HERC3: variants seen among roughly 807,000 people sequenced by gnomAD.
The protein encoded by HERC3 is HECT and RLD domain containing E3 ubiquitin protein ligase 3, also known as probable E3 ubiquitin-protein ligase HERC3.
Under a neutral mutation model 129.9 loss-of-function variants are expected in HERC3, and 58 were observed. The observed-to-expected ratio is 0.45, with a 90% CI of 0.36 to 0.56. The LOEUF (loss-of-function observed/expected upper bound fraction) is 0.56. HERC3 is among the 20% of genes least tolerant of loss of function. The pLI is 0.00. For synonymous variants in HERC3, 430 were observed against 451.0 expected (o/e 0.95, Z 0.59); for missense variants, 835 against 1,244.2 (o/e 0.67, Z 4.95).
At chr4:88,617,672 C>T (rs567787152) in intron 3 of HERC3, among the ~76,000 whole-genome samples, 123 of 152,050 alleles carry the variant, frequency 8.1e-4, no homozygotes, top group African/African-American at 2.7e-3. Context: ...GAGATCGAGA[C>T]CATCCTGGCT....
At chr4:88,596,775 C>T (rs1722441399) in intron 2 of HERC3, among the ~76,000 whole-genome samples, 1 of 152,214 alleles carries the variant, frequency 6.6e-6, no homozygotes, top group African/African-American at 2.4e-5. Flanking sequence ...CCTTTGTGCT[C>T]CTTCCAGATT....
At chr4:88,667,178 T>C (rs1224536988) in intron 12 of HERC3, among the ~76,000 whole-genome samples, 199 bp from the exon 13 acceptor site, 1 of 152,232 alleles carries the variant, frequency 6.6e-6, no homozygotes, top group Non-Finnish European at 1.5e-5. Flanking sequence ...TGTGGTTTAT[T>C]CTTTGTGAAA....
the HERC3 span, among the ~76,000 whole-genome samples, chr4:88,551,094 GA>G: frequency 2.0e-5 from 3 of 149,854 alleles, no homozygotes; most frequent in Non-Finnish European, 4.5e-5. Flanking sequence ...GTAGAAAGCT[GA>G]AACTGGATCC....
chr4:88,568,483 C>A, the HERC3 span, among the ~76,000 whole-genome samples: 2 of 152,160 alleles, frequency 1.3e-5, no homozygotes, highest in South Asian at 2.1e-4. Context: ...GAGCTGGCCC[C>A]TAAGCTGCAA....
At chr4:88,528,692 CA>C in the HERC3 span, among the ~76,000 whole-genome samples, 61 of 152,216 alleles carry the variant, frequency 4.0e-4, no homozygotes, top group Admixed American at 8.5e-4. Context: ...CTCCAAAGGG[CA>C]AGGTTTCATT....
intron 8 of HERC3, among the ~76,000 whole-genome samples, 186 bp downstream of exon 8, chr4:88,655,490 C>T (rs1162267284): frequency 3.9e-5 from 6 of 152,130 alleles, no homozygotes; most frequent in African/African-American, 1.4e-4. Flanking sequence ...TTTAGATAAG[C>T]AGAGCAACAC....
intron 25 of HERC3, among the ~76,000 whole-genome samples, chr4:88,704,975 C>T (rs1221755070): frequency 6.6e-6 from 1 of 151,512 alleles, no homozygotes; most frequent in Non-Finnish European, 1.5e-5. Flanking sequence ...ATTCTCATGC[C>T]TCAGCCTCCC....
At chr4:88,698,048 C>T (rs1406538060) in intron 23 of HERC3, among the ~76,000 whole-genome samples, 1 of 152,190 alleles carries the variant, frequency 6.6e-6, no homozygotes, top group African/African-American at 2.4e-5. Context: ...CATGTACCCA[C>T]CCCTGTAGAG....
chr4:88,612,615 C>A (rs914813298), intron 3 of HERC3, among the ~76,000 whole-genome samples: 6 of 152,140 alleles, frequency 3.9e-5, no homozygotes, highest in African/African-American at 4.8e-5. Flanking sequence ...CCTTCATTCT[C>A]ACCTTTGCAT....
chr4:88,676,239 C>A lies in HERC3; in HGVS notation c.1933C>A (p.Gln645Lys). The stretch of plus-strand genomic sequence containing the variant: ...ACAGAAGGCTAGACCATCAATAATA[C>A]AGGTAAATGATCCTTTTTAAATTTG... ...AGMKARPSII[Q>K]DTVTLCSYPF... Residue 645 changes from glutamine (Q) to lysine (K), a missense_variant and splice_region_variant, in exon 17 of 26, where the codon CAG (glutamine) becomes AAG (lysine). By Grantham distance (53) the Gln-to-Lys change is moderately conservative. Transcript: ENST00000402738. 1 of 1,569,974 alleles carries A rather than the reference C, an allele frequency of 6.4e-7. No homozygotes were observed. Among genetic ancestry groups the A allele is most frequent in the Non-Finnish European group, 8.8e-7 (1 of 1,140,300 alleles).
chr4:88,655,792 C>T, intron 8 of HERC3, 83 bp from the exon 9 acceptor site: 1 of 1,387,508 alleles, frequency 7.2e-7, no homozygotes, highest in South Asian at 1.3e-5. Flanking sequence ...GTGCTGTGCA[C>T]ATGTGGAAGT....
the HERC3 span, among the ~76,000 whole-genome samples, chr4:88,548,855 G>T: frequency 6.6e-6 from 1 of 151,866 alleles, no homozygotes. Flanking sequence ...TAGAGACAGG[G>T]TTTCACCATG....
chr4:88,651,117 G>C (rs1288519229), intron 4 of HERC3, among the ~76,000 whole-genome samples: 1 of 152,132 alleles, frequency 6.6e-6, no homozygotes. Context: ...ATGTTATGTT[G>C]TGTGTAATAC....
At chr4:88,591,231 T>A (rs554712432), upstream of HERC3, among the ~76,000 whole-genome samples, 1 of 152,284 alleles carries the variant, frequency 6.6e-6, no homozygotes, top group African/African-American at 2.4e-5. Flanking sequence ...GTGATCCAAA[T>A]TTCAAAGGTT....
intron 21 of HERC3, among the ~76,000 whole-genome samples, chr4:88,685,183 T>C (rs766438519): frequency 2.0e-5 from 3 of 152,224 alleles, no homozygotes; most frequent in Non-Finnish European, 4.4e-5. Flanking sequence ...GAAGACAGTG[T>C]GGCGATTCCA....
At chr4:88,630,797 G>A (rs1726660171) in intron 3 of HERC3, among the ~76,000 whole-genome samples, 1 of 152,160 alleles carries the variant, frequency 6.6e-6, no homozygotes, top group Non-Finnish European at 1.5e-5. Context: ...GAACCCATAG[G>A]TGGTTTTCTA....
chr4:88,608,690 C>T lies in HERC3; in HGVS notation c.226+2641C>T, dbSNP rs1470662970. On this transcript the variant is annotated intron_variant, in intron 3 of 25. Coordinates refer to ENST00000402738, the MANE Select transcript of HERC3 (RefSeq NM_014606.3). ...AAAACCAAGTCTTCTTTCTTTTCCT[C>T]CTGTTAAAACTCACTTGTGTCTCAC... Among the ~76,000 whole-genome samples, 3 of 152,170 alleles carry T rather than the reference C, an allele frequency of 2.0e-5. No individual in the cohort carries two copies. The East Asian group carries it at 5.8e-4, about 29-fold the overall frequency.
At chr4:88,653,577 G>A (rs1729528066) in intron 6 of HERC3, among the ~76,000 whole-genome samples, 1 of 152,234 alleles carries the variant, frequency 6.6e-6, no homozygotes, top group South Asian at 2.1e-4. Flanking sequence ...TTTTCTCAGT[G>A]AGAGGGGAAG....
the HERC3 span, among the ~76,000 whole-genome samples, chr4:88,532,341 C>T: frequency 2.6e-5 from 4 of 152,296 alleles, no homozygotes; most frequent in South Asian, 8.3e-4. Context: ...GGCCTGAGAA[C>T]CACGGGAGCC....
Sources: gnomAD v4.1 joint callset for allele counts (sites outside exome capture counted in the v4.1 genomes callset) on GRCh38, gnomAD v4.1.1 for gene constraint, MANE v1.5 for transcripts, NCBI Gene and HGNC (gene_info 2026-07-23, HGNC 2026-07-21) for gene names.